KSR2: variants seen among roughly 807,000 people sequenced by gnomAD.
KSR2 encodes the protein kinase suppressor of ras 2.
KSR2 carries 25 observed loss-of-function variants against 107.8 expected under a neutral mutation model. That is an observed-to-expected ratio of 0.23 (90% CI 0.17 to 0.32). KSR2 has a LOEUF of 0.32. KSR2 is among the 10% of genes least tolerant of loss of function. KSR2 has a pLI of 1.00. For missense variants in KSR2, 887 were observed against 1,268.9 expected (o/e 0.70, Z 4.57); for synonymous variants, 480 against 507.0 (o/e 0.95, Z 0.71).
intron 3 of KSR2, among the ~76,000 whole-genome samples, chr12:117,793,094 GCA>G (rs1311363112): frequency 7.7e-6 from 1 of 130,716 alleles, no homozygotes; most frequent in Admixed American, 8.0e-5. Flanking sequence ...ACACCAACAT[GCA>G]CACTCACACC....
At chr12:117,530,404 G>A (rs549286142) in intron 12 of KSR2, among the ~76,000 whole-genome samples, 2 of 152,290 alleles carry the variant, frequency 1.3e-5, no homozygotes, top group Admixed American at 6.5e-5. Context: ...CATGGAGAAA[G>A]CAACCATGCA....
intron 14 of KSR2, among the ~76,000 whole-genome samples, chr12:117,502,541 G>A (rs1323694436): frequency 6.6e-5 from 10 of 152,224 alleles, no homozygotes; most frequent in African/African-American, 1.9e-4. Flanking sequence ...GTATCGAATC[G>A]ATTCCGTTTT....
intron 1 of KSR2, among the ~76,000 whole-genome samples, chr12:117,880,717 T>C (rs1323977306): frequency 3.3e-5 from 2 of 61,376 alleles, no homozygotes; most frequent in Admixed American, 3.9e-4. Context: ...CAGATTCTTT[T>C]TTTTTTTTTT....
intron 14 of KSR2, among the ~76,000 whole-genome samples, chr12:117,491,295 T>A (rs1592923487): frequency 6.6e-6 from 1 of 152,208 alleles, no homozygotes; most frequent in East Asian, 1.9e-4. Context: ...TTCTCTTGTC[T>A]CAGCCTCCTG....
At chr12:117,799,331 G>A (rs766032655) in intron 3 of KSR2, among the ~76,000 whole-genome samples, 3 of 151,946 alleles carry the variant, frequency 2.0e-5, no homozygotes, top group South Asian at 4.2e-4. Context: ...GTGAAACCCC[G>A]TCTCTACTAA....
At chr12:117,512,296 C>T (rs1874073406) in intron 14 of KSR2, among the ~76,000 whole-genome samples, 1 of 152,200 alleles carries the variant, frequency 6.6e-6, no homozygotes. Flanking sequence ...CCCAAGCTTC[C>T]ATGACAATAC....
At chr12:117,552,052 A>G (rs540712920) in intron 9 of KSR2, among the ~76,000 whole-genome samples, 68 of 152,344 alleles carry the variant, frequency 4.5e-4, no homozygotes, top group African/African-American at 1.6e-3. Flanking sequence ...TATACTTCCC[A>G]GAAGCCTCGC....
chr12:117,524,826 T>C (rs1477504756), intron 14 of KSR2, 26 bp downstream of exon 14: 22 of 1,575,550 alleles, frequency 1.4e-5, no homozygotes, highest in Non-Finnish European at 1.9e-5. Context: ...TGCCAATCCC[T>C]GGGTAGAAGC....
At chr12:117,589,517 G>A (rs934813275) in intron 5 of KSR2, among the ~76,000 whole-genome samples, 66 of 152,316 alleles carry the variant, frequency 4.3e-4, no homozygotes, top group Admixed American at 7.2e-4. Flanking sequence ...ATGACAGACT[G>A]AGTGAGAACT....
intron 3 of KSR2, among the ~76,000 whole-genome samples, chr12:117,772,233 G>A (rs1593221438): frequency 4.5e-5 from 3 of 65,942 alleles, no homozygotes; most frequent in African/African-American, 2.4e-4. Flanking sequence ...CATTCCCCCA[G>A]ACGCACAAAC....
At chr12:117,816,566 C>A (rs1891377036) in intron 3 of KSR2, among the ~76,000 whole-genome samples, 1 of 152,104 alleles carries the variant, frequency 6.6e-6, no homozygotes, top group Non-Finnish European at 1.5e-5. Flanking sequence ...CTAGGAAGGC[C>A]ATGATGGCTG....
chr12:117,793,179 CA>C lies in KSR2; in HGVS notation c.473-31656del, dbSNP rs1890339053. On this transcript the variant is annotated intron_variant, in intron 3 of 19. Coordinates refer to ENST00000339824, the MANE Select transcript of KSR2 (RefSeq NM_173598.6). ...ATGCACGCACACCAACATGTACACA[CA>C]CCAATGTGCACACATACACACCAAC... is the stretch of plus-strand genomic sequence containing the variant. Among the ~76,000 whole-genome samples, 4 of 140,714 alleles carry C rather than the reference CA, an allele frequency of 2.8e-5. No homozygotes were observed. In the South Asian group the frequency reaches 7.0e-4, roughly 24 times the overall value. The allele number at this position is 140,714 out of a possible 152,430, so 92.3% of individuals were successfully genotyped here. A position where few individuals can be genotyped will look rare whatever the true frequency, so the allele number is the denominator to read the frequency against.
chr12:117,947,264 A>G (rs4767644), intron 1 of KSR2, among the ~76,000 whole-genome samples: 27,698 of 111,992 alleles, frequency 0.25, 3,687 homozygotes, highest in South Asian at 0.29. Context: ...AAAGAAGATA[A>G]ACCACATGAC....
At chr12:117,892,187 C>T (rs1894367044) in intron 1 of KSR2, among the ~76,000 whole-genome samples, 1 of 151,854 alleles carries the variant, frequency 6.6e-6, no homozygotes, top group Admixed American at 6.6e-5. Flanking sequence ...CCTGTAATCC[C>T]AGCTATTCAG....
chr12:117,870,889 G>A (rs990523872), intron 1 of KSR2, among the ~76,000 whole-genome samples: 1 of 152,140 alleles, frequency 6.6e-6, no homozygotes, highest in Non-Finnish European at 1.5e-5. Flanking sequence ...AATCATCTTG[G>A]GGAACAAGAG....
At chr12:117,504,926 C>T (rs941748024) in intron 14 of KSR2, among the ~76,000 whole-genome samples, 4 of 152,170 alleles carry the variant, frequency 2.6e-5, no homozygotes, top group African/African-American at 9.7e-5. Flanking sequence ...TCTCCCCATT[C>T]CGAGTCTCCA....
chr12:117,649,897 A>C (rs1368213580), intron 5 of KSR2, among the ~76,000 whole-genome samples: 1 of 152,178 alleles, frequency 6.6e-6, no homozygotes, highest in Non-Finnish European at 1.5e-5. Context: ...TCATGAACTG[A>C]TCTGGCCTGG....
At chr12:117,742,912 C>A (rs1235716780) in intron 4 of KSR2, among the ~76,000 whole-genome samples, 1 of 152,192 alleles carries the variant, frequency 6.6e-6, no homozygotes, top group Non-Finnish European at 1.5e-5. Flanking sequence ...GTCACTGGGC[C>A]TAAAGCTGTG....
At chr12:117,899,329 CAA>C (rs1393040764) in intron 1 of KSR2, among the ~76,000 whole-genome samples, 1 of 151,688 alleles carries the variant, frequency 6.6e-6, no homozygotes, top group Non-Finnish European at 1.5e-5. Flanking sequence ...CTTGTCTCTA[CAA>C]AAATAAAAAA....
Sources: allele counts gnomAD v4.1 joint callset (sites outside exome capture counted in the v4.1 genomes callset), GRCh38; gene constraint gnomAD v4.1.1; transcripts MANE v1.5; gene names NCBI Gene and HGNC (gene_info 2026-07-23, HGNC 2026-07-21).